Variants in OSTN observed in about 807,000 individuals in gnomAD.
OSTN encodes osteocrin.
Under a neutral mutation model 12.0 loss-of-function variants are expected in OSTN, and 9 were observed. The ratio of observed to expected loss-of-function variants is 0.75; its 90% CI spans 0.45 to 1.30. The LOEUF is 1.30. Among genes scored for constraint, OSTN ranks in the 50% most tolerant of loss-of-function variants. The probability of loss-of-function intolerance (pLI) is 0.00; values close to 1 mark genes in which losing one functional copy is unlikely to be tolerated. For missense variants in OSTN, 148 were observed against 152.3 expected (o/e 0.97, Z 0.15); for synonymous variants, 59 against 56.9 (o/e 1.04, Z -0.16).
At chr3:191,225,709 T>C (rs1465785993) in intron 3 of OSTN, among the ~76,000 whole-genome samples, 1 of 152,106 alleles carries the variant, frequency 6.6e-6, no homozygotes, top group African/African-American at 2.4e-5. Flanking sequence ...TTATTCTAAC[T>C]GAATTAATAC....
At chr3:191,254,412 C>T (rs967044018) in intron 4 of OSTN, among the ~76,000 whole-genome samples, 3 of 152,194 alleles carry the variant, frequency 2.0e-5, no homozygotes, top group Non-Finnish European at 4.4e-5. Flanking sequence ...GCTGTTATTT[C>T]TCTCAAAATT....
intron 2 of OSTN, among the ~76,000 whole-genome samples, chr3:191,215,538 G>A (rs186536024): frequency 6.6e-6 from 1 of 152,132 alleles, no homozygotes; most frequent in South Asian, 2.1e-4. Context: ...TCAATAGCAA[G>A]TTTGTTACTT....
intron 3 of OSTN, among the ~76,000 whole-genome samples, chr3:191,227,265 G>C (rs931763605): frequency 7.2e-5 from 11 of 152,098 alleles, no homozygotes; most frequent in African/African-American, 2.7e-4. Context: ...TAAGAAAAAA[G>C]TGCACTATGA....
intron 3 of OSTN, among the ~76,000 whole-genome samples, chr3:191,245,230 C>A (rs1675114454): frequency 6.6e-6 from 1 of 152,094 alleles, no homozygotes. Flanking sequence ...AAAATGTGAA[C>A]CCTGAGAGGT....
At chr3:191,247,035 G>A (rs1482558066) in intron 3 of OSTN, among the ~76,000 whole-genome samples, 1 of 152,172 alleles carries the variant, frequency 6.6e-6, no homozygotes, top group Non-Finnish European at 1.5e-5. Context: ...TATAATTGCT[G>A]GAGATTATGA....
chr3:191,255,964 C>T (rs562669495), intron 4 of OSTN, among the ~76,000 whole-genome samples: 1 of 152,028 alleles, frequency 6.6e-6, no homozygotes, highest in South Asian at 2.1e-4. Context: ...AGAGTACTTA[C>T]AAAAGTACTT....
At chr3:191,242,285 G>T (rs757630275) in intron 3 of OSTN, among the ~76,000 whole-genome samples, 1 of 152,054 alleles carries the variant, frequency 6.6e-6, no homozygotes, top group African/African-American at 2.4e-5. Context: ...ACCACAAAAA[G>T]GTCTTTTGGA....
In OSTN at chr3:191,241,325, G is replaced by A. The variant is rs138796715; in HGVS notation, c.318-8712G>A. On this transcript the variant is annotated intron_variant, in intron 3 of 4. Coordinates refer to ENST00000682035, the MANE Select transcript of OSTN (RefSeq NM_198184.2). The stretch of plus-strand genomic sequence containing the variant: ...TACCTACCGAGTAGATGGGAATACA[G>A]GCGCTCGCCAGCACGCCCGGCTAAT... 4.7e-3 allele frequency among the ~76,000 whole-genome samples: 709 copies of A among 151,896 alleles called. 5 individuals carry two copies. Among genetic ancestry groups the A allele is most frequent in the African/African-American group, 0.016 (647 of 41,466 alleles).
rs140841975 is a variant in OSTN at position 191,227,864 on chromosome 3, G to C, written c.317+8903G>C. ...TAAATATATGCTAATATGAATTTTT[G>C]TGGACATTTTGAAATCATGCCATAT... On this transcript the variant is annotated intron_variant, in intron 3 of 4. Coordinates refer to ENST00000682035, the MANE Select transcript of OSTN (RefSeq NM_198184.2). 3.9e-5 allele frequency among the ~76,000 whole-genome samples: 6 copies of C among 152,078 alleles called. No homozygotes were observed. The East Asian group carries it at 1.2e-3, about 29-fold the overall frequency.
intron 4 of OSTN, among the ~76,000 whole-genome samples, chr3:191,259,491 T>G (rs6444523): frequency 0.55 from 83,620 of 150,992 alleles, 24,428 homozygotes; most frequent in Non-Finnish European, 0.62. Context: ...GTGAGCCACC[T>G]TGCCTGGATT....
At chr3:191,252,208 C>T (rs887734632) in intron 4 of OSTN, among the ~76,000 whole-genome samples, 18 of 152,196 alleles carry the variant, frequency 1.2e-4, no homozygotes, top group South Asian at 6.2e-4. Flanking sequence ...TACAGGCGTG[C>T]GCCACCACGC....
At chr3:191,231,112 T>C (rs1253072405) in intron 3 of OSTN, among the ~76,000 whole-genome samples, 1 of 152,222 alleles carries the variant, frequency 6.6e-6, no homozygotes, top group Non-Finnish European at 1.5e-5. Flanking sequence ...TTTTTTTAAA[T>C]ACAGGAATTC....
At chr3:191,226,807 GAT>G (rs1308046154) in intron 3 of OSTN, among the ~76,000 whole-genome samples, 2 of 152,044 alleles carry the variant, frequency 1.3e-5, no homozygotes, top group Non-Finnish European at 2.9e-5. Flanking sequence ...GTGATGTTGG[GAT>G]ATGAGTAAAA....
chr3:191,255,096 A>C (rs1715642405), intron 4 of OSTN, among the ~76,000 whole-genome samples: 1 of 152,192 alleles, frequency 6.6e-6, no homozygotes, highest in African/African-American at 2.4e-5. Context: ...TTTTGGGATG[A>C]AGCTGTTCCA....
At chr3:191,225,064 A>G (rs1714875516) in intron 3 of OSTN, among the ~76,000 whole-genome samples, 1 of 152,104 alleles carries the variant, frequency 6.6e-6, no homozygotes, top group Non-Finnish European at 1.5e-5. Flanking sequence ...TTATTATATC[A>G]ACAAAAAGAC....
intron 1 of OSTN, among the ~76,000 whole-genome samples, chr3:191,211,995 T>C (rs1176881973): frequency 2.0e-5 from 3 of 152,186 alleles, no homozygotes; most frequent in African/African-American, 7.2e-5. Context: ...TATAAAAACA[T>C]AGTTTTTTAA....
intron 2 of OSTN, among the ~76,000 whole-genome samples, chr3:191,216,582 C>T (rs573592569): frequency 6.6e-6 from 1 of 152,300 alleles, no homozygotes; most frequent in East Asian, 1.9e-4. Flanking sequence ...TTTAAGAGCA[C>T]CAGCTCATAT....
chr3:191,222,441 C>A (rs1318980659), intron 3 of OSTN, among the ~76,000 whole-genome samples: 3 of 152,216 alleles, frequency 2.0e-5, no homozygotes, highest in Non-Finnish European at 4.4e-5. Context: ...GGCCTGTAGC[C>A]CCTTCATTTT....
chr3:191,253,153 G>A (rs551747555), intron 4 of OSTN, among the ~76,000 whole-genome samples: 1 of 152,172 alleles, frequency 6.6e-6, no homozygotes, highest in Non-Finnish European at 1.5e-5. Context: ...TTTCTAAGAC[G>A]AACAGAAATG....
Sources: allele counts gnomAD v4.1 joint callset (sites outside exome capture counted in the v4.1 genomes callset), GRCh38; gene constraint gnomAD v4.1.1; transcripts MANE v1.5; gene names NCBI Gene and HGNC (gene_info 2026-07-23, HGNC 2026-07-21).